The following L3HYPDH variants were observed in gnomAD, a reference collection of about 807,000 sequenced individuals.
The protein encoded by L3HYPDH is trans-L-3-hydroxyproline dehydratase, also known as trans-3-hydroxy-L-proline dehydratase.
Under a neutral mutation model 26.5 loss-of-function variants are expected in L3HYPDH, and 32 were observed. That is an observed-to-expected ratio of 1.21 (90% CI 0.91 to 1.62). L3HYPDH has a LOEUF of 1.62. Among genes scored for constraint, L3HYPDH ranks in the 40% most tolerant of loss-of-function variants. The pLI, the probability that L3HYPDH is intolerant of heterozygous loss-of-function variation, is 0.00. For synonymous variants in L3HYPDH, 215 were observed against 196.6 expected (o/e 1.09, Z -0.78); for missense variants, 554 against 476.4 (o/e 1.16, Z -1.52).
At chr14:59,479,500 T>C (rs952674025) in intron 1 of L3HYPDH, 149 bp from the exon 2 acceptor site, 1 of 724,044 alleles carries the variant, frequency 1.4e-6, no homozygotes. Context: ...GTTTTTTAAA[T>C]GAATAAGCAT....
chr14:59,490,378 A>G, the L3HYPDH span, among the ~76,000 whole-genome samples: 1 of 152,148 alleles, frequency 6.6e-6, no homozygotes, highest in Non-Finnish European at 1.5e-5. Flanking sequence ...ACATTTCAAC[A>G]TGAGATTTGG....
downstream of L3HYPDH, among the ~76,000 whole-genome samples, chr14:59,467,688 C>G (rs1483982443): frequency 4.6e-5 from 7 of 152,166 alleles, no homozygotes; most frequent in Non-Finnish European, 8.8e-5. Flanking sequence ...CCTACATGTC[C>G]TGCTACTTGG....
rs756248271 is a variant in L3HYPDH at position 59,484,003 on chromosome 14, C to G, written c.314G>C (p.Gly105Ala). The G allele has an allele frequency of 4.4e-6, 7 of 1,597,444 alleles. No homozygotes were observed. Among genetic ancestry groups the G allele is most frequent in the Non-Finnish European group, 5.9e-6 (7 of 1,176,580 alleles). The change falls in exon 1 of 5, where the codon GGC (glycine) becomes GCC (alanine). Residue 105 changes from glycine to alanine, a missense_variant. Coordinates refer to ENST00000247194, the MANE Select transcript of L3HYPDH (RefSeq NM_144581.2). The part of the protein sequence containing the change: ...LHNEGYSSMC[G>A]HAVLALGRFA... ...GCGGCCCAGCGCCAGCACTGCGTGG[C>G]CGCACATGGAGCTGTAGCCCTCGTT...
upstream of L3HYPDH, chr14:59,487,826 G>C (rs1373798648): frequency 1.2e-6 from 2 of 1,613,202 alleles, no homozygotes; most frequent in Non-Finnish European, 1.7e-6. Context: ...CGGGGAAAAA[G>C]AGGTTAGCAC....
upstream of L3HYPDH, chr14:59,484,830 T>G: frequency 9.9e-7 from 1 of 1,005,266 alleles, no homozygotes; most frequent in South Asian, 1.7e-5. Flanking sequence ...TCTTTGTTGT[T>G]TGGTCCGAAA....
At chr14:59,484,550 G>A (rs759227100), upstream of L3HYPDH, 24 of 1,565,292 alleles carry the variant, frequency 1.5e-5, no homozygotes, top group Non-Finnish European at 1.7e-5. Flanking sequence ...TGCCAGATCC[G>A]CTGATCTAGT....
chr14:59,501,004 C>A, the L3HYPDH span: 1 of 534,052 alleles, frequency 1.9e-6, no homozygotes, highest in Middle Eastern at 4.9e-4. Flanking sequence ...AGGGCTGAAA[C>A]TATTTACTAT....
At chr14:59,492,955 G>A in the L3HYPDH span, among the ~76,000 whole-genome samples, 6 of 151,944 alleles carry the variant, frequency 3.9e-5, no homozygotes, top group Middle Eastern at 3.4e-3. Flanking sequence ...CTGCCACCAC[G>A]CCCGGCCAAT....
chr14:59,479,397 T>A, intron 1 of L3HYPDH, 46 bp from the exon 2 acceptor site: 1 of 1,496,850 alleles, frequency 6.7e-7, no homozygotes, highest in Non-Finnish European at 9.1e-7. Context: ...TGTTAATAAG[T>A]ATTTTAGCAA....
the L3HYPDH span, among the ~76,000 whole-genome samples, chr14:59,500,370 A>C: frequency 6.6e-6 from 1 of 152,212 alleles, no homozygotes; most frequent in East Asian, 1.9e-4. Flanking sequence ...TTTACAAATA[A>C]TGTATGAAAA....
At chr14:59,503,891 T>C in the L3HYPDH span, 39 of 1,613,090 alleles carry the variant, frequency 2.4e-5, no homozygotes, top group Admixed American at 3.3e-5. Context: ...AAAAGACTTA[T>C]TGTTCTCTTC....
upstream of L3HYPDH, chr14:59,487,157 T>C (rs1890645943): frequency 6.0e-6 from 1 of 165,604 alleles, no homozygotes; most frequent in Non-Finnish European, 1.3e-5. Flanking sequence ...GAGCCAAGAT[T>C]GCACCACTGC....
chr14:59,487,480 A>AG (rs1374205861), upstream of L3HYPDH: 1 of 449,946 alleles, frequency 2.2e-6, no homozygotes, highest in African/African-American at 2.0e-5. Context: ...ATCTTCTAAG[A>AG]GCATTGTACA....
intron 2 of L3HYPDH, 28 bp from the exon 3 acceptor site, chr14:59,476,242 CA>C: frequency 6.7e-7 from 1 of 1,483,348 alleles, no homozygotes; most frequent in Admixed American, 1.9e-5. Flanking sequence ...AGATCACATG[CA>C]AAATAAATAT....
upstream of L3HYPDH, chr14:59,484,674 T>C: frequency 1.3e-6 from 2 of 1,502,130 alleles, no homozygotes; most frequent in Non-Finnish European, 1.8e-6. Context: ...GGCTCGGCTC[T>C]TTGTAGGCGG....
At chr14:59,467,683 ATGTCCTGCTACT>A (rs921943696), downstream of L3HYPDH, among the ~76,000 whole-genome samples, 2 of 152,006 alleles carry the variant, frequency 1.3e-5, no homozygotes, top group African/African-American at 2.4e-5. Context: ...CCCAACCTAC[ATGTCCTGCTACT>A]TGGCATCTCT....
chr14:59,503,807 C>T, the L3HYPDH span: 1 of 1,162,700 alleles, frequency 8.6e-7, no homozygotes, highest in Admixed American at 1.8e-5. Flanking sequence ...GCTGACTTAG[C>T]CTGATAATCT....
At chr14:59,479,374 AAG>A in intron 1 of L3HYPDH, 23 bp from the exon 2 acceptor site, 1 of 1,600,756 alleles carries the variant, frequency 6.2e-7, no homozygotes, top group African/African-American at 1.3e-5. Context: ...TGTGTTTGGA[AAG>A]AAGATGTGTT....
intron 4 of L3HYPDH, chr14:59,474,589 C>T (rs1382176248): frequency 4.3e-6 from 3 of 694,676 alleles, no homozygotes; most frequent in Non-Finnish European, 7.9e-6. Context: ...TAATGCTTAA[C>T]AGCATGTGGT....
Sources: gnomAD v4.1 joint callset for allele counts (sites outside exome capture counted in the v4.1 genomes callset) on GRCh38, gnomAD v4.1.1 for gene constraint, MANE v1.5 for transcripts, NCBI Gene and HGNC (gene_info 2026-07-23, HGNC 2026-07-21) for gene names.